Variants in CRYL1 observed in about 807,000 individuals in gnomAD.
CRYL1 encodes crystallin lambda 1, also known as lambda-crystallin homolog.
In CRYL1, 29 loss-of-function variants were observed where a neutral mutation model predicts 36.6. The ratio of observed to expected loss-of-function variants is 0.79; its 90% CI spans 0.59 to 1.08. The LOEUF (loss-of-function observed/expected upper bound fraction) is 1.08. CRYL1 is among the 50% of genes least tolerant of loss of function. The probability of loss-of-function intolerance (pLI) is 0.00; values close to 1 mark genes in which losing one functional copy is unlikely to be tolerated. For synonymous variants in CRYL1, 152 were observed against 151.5 expected (o/e 1.00, Z -0.02); for missense variants, 411 against 407.9 (o/e 1.01, Z -0.06).
At chr13:20,452,564 A>C (rs2032593748) in intron 3 of CRYL1, among the ~76,000 whole-genome samples, 2 of 152,230 alleles carry the variant, frequency 1.3e-5, no homozygotes, top group South Asian at 2.1e-4. Context: ...GCAGAAGATC[A>C]AGAAGCAGAG....
chr13:20,492,276 C>G (rs1050663915), intron 2 of CRYL1, among the ~76,000 whole-genome samples: 4 of 152,202 alleles, frequency 2.6e-5, no homozygotes, highest in African/African-American at 9.7e-5. Flanking sequence ...TATAAAACCA[C>G]TGAATTGGAC....
chr13:20,441,726 A>G (rs1307342966), intron 3 of CRYL1, among the ~76,000 whole-genome samples: 1 of 152,226 alleles, frequency 6.6e-6, no homozygotes, highest in African/African-American at 2.4e-5. Context: ...AATAATACTA[A>G]TAGTTAATAT....
intron 3 of CRYL1, among the ~76,000 whole-genome samples, chr13:20,451,151 T>C (rs11843506): frequency 0.25 from 37,843 of 151,672 alleles, 5,328 homozygotes; most frequent in Non-Finnish European, 0.32. Context: ...ATGGCACATG[T>C]ATACATATGT....
intron 2 of CRYL1, among the ~76,000 whole-genome samples, chr13:20,493,047 C>T (rs1056895887): frequency 1.3e-5 from 2 of 152,214 alleles, no homozygotes; most frequent in Admixed American, 6.5e-5. Flanking sequence ...TGTTAGAGAA[C>T]TCTAGCTTCT....
At chr13:20,495,463 T>C (rs111410567) in intron 2 of CRYL1, among the ~76,000 whole-genome samples, 38 of 152,272 alleles carry the variant, frequency 2.5e-4, no homozygotes, top group African/African-American at 9.1e-4. Context: ...GTTTCTATCT[T>C]TGAAATGTAC....
intron 3 of CRYL1, among the ~76,000 whole-genome samples, chr13:20,446,853 T>C (rs939772701): frequency 2.0e-5 from 3 of 152,212 alleles, no homozygotes; most frequent in Admixed American, 2.0e-4. Flanking sequence ...AATTTGGGGA[T>C]AGTGCTTCAG....
At position 20,404,242 on chromosome 13, in the gene CRYL1, C is replaced by T; in HGVS notation, c.847G>A (p.Asp283Asn). The change falls in exon 8 of 8, where the codon GAC becomes AAC. Residue 283 changes from aspartate (D) to asparagine (N), a missense_variant and splice_region_variant. Asp to Asn is a conservative substitution (Grantham distance 23, BLOSUM62 1). Coordinates refer to ENST00000298248, the MANE Select transcript of CRYL1 (RefSeq NM_015974.3). ...SRATAEKVNQ[D>N]MCMKVPDDPE... ...TCATCAGGGACCTTCATGCACATGT[C>T]CTGCAAGAAGGAGAAGGAAAAAAAA... 1 of 1,592,932 alleles carries T rather than the reference C, an allele frequency of 6.3e-7. No homozygotes were observed. The highest frequency in any genetic ancestry group is 1.3e-5 in the African/African-American group (1 of 74,470).
At chr13:20,476,213 G>A (rs1041505442) in intron 3 of CRYL1, among the ~76,000 whole-genome samples, 6 of 152,134 alleles carry the variant, frequency 3.9e-5, no homozygotes, top group Non-Finnish European at 8.8e-5. Context: ...GTAATTAGCT[G>A]GGAGTGGTGG....
At chr13:20,420,701 T>TTTTTTTTTTTTTGTGTGTGTGTGTG in intron 5 of CRYL1, among the ~76,000 whole-genome samples, 1 of 21,840 alleles carries the variant, frequency 4.6e-5, no homozygotes, top group Non-Finnish European at 1.4e-4. Context: ...AAAATAGAGG[T>TTTTTTTTTTTTTGTGTGTGTGTGTG]TGTGTGTGTG....
chr13:20,518,764 G>C (rs572717832), intron 1 of CRYL1, among the ~76,000 whole-genome samples: 18 of 152,328 alleles, frequency 1.2e-4, no homozygotes, highest in African/African-American at 3.8e-4. Flanking sequence ...CGGAGGCAGA[G>C]GGGGTGCTGG....
At chr13:20,479,117 G>A (rs552730953) in intron 3 of CRYL1, among the ~76,000 whole-genome samples, 25 of 152,184 alleles carry the variant, frequency 1.6e-4, no homozygotes, top group African/African-American at 4.6e-4. Context: ...TTGAGATTCC[G>A]TTTAAGTTTA....
At chr13:20,507,670 G>A (rs1210773033) in intron 2 of CRYL1, among the ~76,000 whole-genome samples, 1 of 152,208 alleles carries the variant, frequency 6.6e-6, no homozygotes, top group Non-Finnish European at 1.5e-5. Context: ...TGTAATCCCA[G>A]CACTTTGGGA....
chr13:20,519,290 A>C lies in CRYL1; in HGVS notation c.41+6464T>G, dbSNP rs187890893. Reference sequence around the variant, plus strand: ...CTGCCATCTGCATCAAACGCTGCTGATGAACACTTGAACTGAGGATTGACC... The same window carrying C: ...CTGCCATCTGCATCAAACGCTGCTGCTGAACACTTGAACTGAGGATTGACC... On this transcript the variant is annotated intron_variant, in intron 1 of 7. Coordinates refer to ENST00000298248, the MANE Select transcript of CRYL1 (RefSeq NM_015974.3). Among the ~76,000 whole-genome samples, 1,056 of 152,278 alleles carry C rather than the reference A, an allele frequency of 6.9e-3. 8 individuals carry two copies. Among genetic ancestry groups the C allele is most frequent in the South Asian group, 0.017 (81 of 4,820 alleles).
intron 7 of CRYL1, 97 bp from the exon 8 acceptor site, chr13:20,404,339 G>T: frequency 2.5e-6 from 2 of 813,244 alleles, no homozygotes; most frequent in Non-Finnish European, 2.0e-6. Context: ...TGCAGAAACT[G>T]CTTTCAAAGA....
At chr13:20,411,961 C>T (rs2031534136) in intron 6 of CRYL1, among the ~76,000 whole-genome samples, 1 of 152,188 alleles carries the variant, frequency 6.6e-6, no homozygotes, top group Non-Finnish European at 1.5e-5. Context: ...ATTTCATTAA[C>T]TACTGTGAAA....
At position 20,489,446 on chromosome 13, in the gene CRYL1, C is replaced by T. The variant is rs762121720; in HGVS notation, c.200G>A (p.Ser67Asn). Residue 67 changes from serine (S) to asparagine (N), a missense_variant, in exon 3 of 8, where the codon AGT (serine) becomes AAT (asparagine). Ser to Asn is a conservative substitution (Grantham distance 46). Coordinates refer to ENST00000298248, the MANE Select transcript of CRYL1 (RefSeq NM_015974.3). The stretch of plus-strand genomic sequence containing the variant: ...GATGAGTGACAGCTGCTCTTCCACA[C>T]TCAGGGAGCCTTTCAGAGAACCTGC... The part of the protein sequence containing the change: ...EQAGSLKGSL[S>N]VEEQLSLISG... 6 of 1,613,568 alleles carry T rather than the reference C, an allele frequency of 3.7e-6. No homozygotes were observed. In the African/African-American group the frequency reaches 8.0e-5, roughly 22 times the overall value.
At chr13:20,500,641 G>A (rs1407980148) in intron 2 of CRYL1, among the ~76,000 whole-genome samples, 3 of 152,188 alleles carry the variant, frequency 2.0e-5, no homozygotes, top group Non-Finnish European at 4.4e-5. Flanking sequence ...TTGTGTTTCA[G>A]AAGAAAAACT....
At chr13:20,496,381 T>C (rs1029221042) in intron 2 of CRYL1, among the ~76,000 whole-genome samples, 6 of 152,210 alleles carry the variant, frequency 3.9e-5, no homozygotes, top group African/African-American at 1.4e-4. Context: ...ATGGCAAAGA[T>C]GGCCAAACTT....
chr13:20,440,357 G>A (rs2032325669), intron 3 of CRYL1, among the ~76,000 whole-genome samples: 1 of 152,184 alleles, frequency 6.6e-6, no homozygotes, highest in African/African-American at 2.4e-5. Flanking sequence ...GTGAAGAAAA[G>A]ATTTTACTTG....
Sources: gnomAD v4.1 joint callset for allele counts (sites outside exome capture counted in the v4.1 genomes callset) on GRCh38, gnomAD v4.1.1 for gene constraint, MANE v1.5 for transcripts, NCBI Gene and HGNC (gene_info 2026-07-23, HGNC 2026-07-21) for gene names.